Variants in RADIL observed in about 807,000 individuals in gnomAD.
The protein encoded by RADIL is Rap associating with DIL domain, also known as ras-associating and dilute domain-containing protein.
Under a neutral mutation model 97.6 loss-of-function variants are expected in RADIL, and 99 were observed. The ratio of observed to expected loss-of-function variants is 1.01; its 90% CI spans 0.86 to 1.20. RADIL has a LOEUF of 1.20. Among genes scored for constraint, RADIL ranks in the 50% most tolerant of loss-of-function variants. The pLI is 0.00. For missense variants in RADIL, 1,765 were observed against 1,498.9 expected (o/e 1.18, Z -2.93); for synonymous variants, 803 against 691.8 (o/e 1.16, Z -2.52).
At chr7:4,810,442 G>A (rs927391755) in intron 9 of RADIL, among the ~76,000 whole-genome samples, 9 of 152,274 alleles carry the variant, frequency 5.9e-5, no homozygotes, top group Admixed American at 2.0e-4. Flanking sequence ...GTGCCCAGCC[G>A]ACGGTTCAGG....
At position 4,834,710 on chromosome 7, in the gene RADIL, A is replaced by G; in HGVS notation, c.1313T>C (p.Phe438Ser). 1 of 1,408,058 alleles carries G rather than the reference A, an allele frequency of 7.1e-7. No homozygotes were observed. Among genetic ancestry groups the G allele is most frequent in the Non-Finnish European group, 9.3e-7 (1 of 1,074,390 alleles). 87.2% of individuals were successfully genotyped at this position (1,408,058 alleles called of 1,614,324 possible). ...GTGCTGGATGCAGAGGCACAGGAGGAAGGCGGGGGTCAGCTTGTGGTCGTC... is the reference window on the plus strand; with the variant it reads ...GTGCTGGATGCAGAGGCACAGGAGGGAGGCGGGGGTCAGCTTGTGGTCGTC... ...GGDDHKLTPA[F>S]LLCLCIQHSA... Residue 438 changes from phenylalanine (F) to serine (S), a missense_variant, in exon 4 of 15, where the codon TTC (phenylalanine) becomes TCC (serine). Transcript: ENST00000399583. This position sits in a 1 kb window ranked among gnomAD's most constrained non-coding sequence, Gnocchi z 6.0.
intron 2 of RADIL, among the ~76,000 whole-genome samples, chr7:4,843,003 ATTTTTTTTTTT>A (rs376252570): frequency 7.9e-6 from 1 of 127,342 alleles, no homozygotes; most frequent in Non-Finnish European, 1.6e-5. Flanking sequence ...GCAAGAGACA[ATTTTTTTTTTT>A]TTTTTTTTTT....
In RADIL at chr7:4,867,749, A is replaced by T. The variant is rs990652106; in HGVS notation, c.535+9856T>A. Among the ~76,000 whole-genome samples the T allele has an allele frequency of 1.3e-5, 2 of 152,262 alleles. No individual in the cohort carries two copies. Among genetic ancestry groups the T allele is most frequent in the African/African-American group, 4.8e-5 (2 of 41,472 alleles). The stretch of plus-strand genomic sequence containing the variant: ...ACAAAATATTATTTATGTATTAAGG[A>T]TACATATGAATCCAAATATATGAAA... On this transcript the variant is annotated intron_variant, in intron 2 of 14. Transcript: ENST00000399583. The surrounding 1 kb of genome is among the most constrained non-coding windows in gnomAD (Gnocchi z 4.1).
At chr7:4,831,702 A>C (rs1188267389) in intron 5 of RADIL, among the ~76,000 whole-genome samples, 3 of 149,742 alleles carry the variant, frequency 2.0e-5, no homozygotes, top group African/African-American at 7.5e-5. Flanking sequence ...CAATATCGTG[A>C]AACCCCATCT....
At chr7:4,868,188 G>A (rs1030821430) in intron 2 of RADIL, among the ~76,000 whole-genome samples, 14 of 151,836 alleles carry the variant, frequency 9.2e-5, no homozygotes, top group South Asian at 6.2e-4. Context: ...TCAGCCTCCC[G>A]AGTAGCTGGG....
chr7:4,804,188 G>C (rs1782215360), intron 10 of RADIL: 1 of 269,036 alleles, frequency 3.7e-6, no homozygotes, highest in East Asian at 7.9e-5. Context: ...CCTGTGTGCG[G>C]GCTGCTCTCT....
intron 2 of RADIL, among the ~76,000 whole-genome samples, chr7:4,868,048 A>AT (rs1374654926): frequency 3.3e-5 from 5 of 152,034 alleles, no homozygotes; most frequent in African/African-American, 9.7e-5. Context: ...TTGGTTTCTT[A>AT]TTATGGGGAA....
At position 4,835,346 on chromosome 7, in the gene RADIL, G is replaced by T. The variant is rs373090571; in HGVS notation, c.784-107C>A. 2 of 1,409,232 alleles carry T rather than the reference G, an allele frequency of 1.4e-6. No homozygotes were observed. The highest frequency in any genetic ancestry group is 1.9e-6 in the Non-Finnish European group (2 of 1,045,796). The allele number at this position is 1,409,232 out of a possible 1,614,324, so 87.3% of individuals were successfully genotyped here. ...GAAGCAGCGTGGCTGGGATGCTGTCGCCACGGGCTCTCCATGTCCCTGGCC... is the reference window on the plus strand; with the variant it reads ...GAAGCAGCGTGGCTGGGATGCTGTCTCCACGGGCTCTCCATGTCCCTGGCC... On this transcript the variant is annotated intron_variant, in intron 3 of 14. Transcript: ENST00000399583. This position sits in a 1 kb window ranked among gnomAD's most constrained non-coding sequence, Gnocchi z 5.8.
At chr7:4,812,885 C>A (rs1782582937) in intron 9 of RADIL, among the ~76,000 whole-genome samples, 2 of 152,136 alleles carry the variant, frequency 1.3e-5, no homozygotes, top group Admixed American at 1.3e-4. Flanking sequence ...CATTCTTGGC[C>A]TTCCTTGTTT....
chr7:4,811,133 T>G (rs1008618885), intron 9 of RADIL: 3 of 151,740 alleles, frequency 2.0e-5, no homozygotes, highest in African/African-American at 7.3e-5. Context: ...AGAGTGAGAC[T>G]CCGTCTCAAA....
chr7:4,823,813 G>A (rs1340437730), intron 5 of RADIL, among the ~76,000 whole-genome samples: 5 of 152,178 alleles, frequency 3.3e-5, no homozygotes, highest in Non-Finnish European at 7.3e-5. Context: ...CTGAGGGGTG[G>A]ACGTGGCAAG....
intron 2 of RADIL, among the ~76,000 whole-genome samples, chr7:4,869,825 C>T (rs1356343515): frequency 6.6e-6 from 1 of 152,144 alleles, no homozygotes; most frequent in Non-Finnish European, 1.5e-5. Context: ...GAGAATCTGA[C>T]TCTTTCGCAA....
chr7:4,881,726 CA>C (rs540740997), intron 1 of RADIL, among the ~76,000 whole-genome samples: 12,032 of 78,978 alleles, frequency 0.15, 733 homozygotes, highest in African/African-American at 0.29. Context: ...GACTCCGTCT[CA>C]AAAAAAAAAA....
chr7:4,860,396 G>C (rs1783954462), intron 2 of RADIL: 8 of 1,613,902 alleles, frequency 5.0e-6, no homozygotes, highest in Non-Finnish European at 6.8e-6. Context: ...ACTATTCACT[G>C]CTTGCCTATA....
At chr7:4,800,892 A>T (rs1284774675) in intron 12 of RADIL, among the ~76,000 whole-genome samples, 1 of 152,030 alleles carries the variant, frequency 6.6e-6, no homozygotes, top group Non-Finnish European at 1.5e-5. Flanking sequence ...GGACACTCTG[A>T]CTCTGCACAC....
chr7:4,850,216 T>TAA (rs34276261), intron 2 of RADIL, among the ~76,000 whole-genome samples: 1,931 of 88,000 alleles, frequency 0.022, 30 homozygotes, highest in South Asian at 0.028. Flanking sequence ...ACGATCCCTT[T>TAA]AAAAAAAAAA....
In RADIL at chr7:4,877,982, GC is replaced by G; in HGVS notation, c.157del (p.Ala53ProfsTer13). On this transcript the variant is annotated frameshift_variant, in exon 2 of 15. Transcript: ENST00000399583. LOFTEE classifies it high-confidence loss of function. The stretch of plus-strand genomic sequence containing the variant: ...GGCCGACAGCTGGGTGGAGAGCTCG[GC>G]GGGGTCATCGCTGGCGCCCAGGCTG... ...FSSLGASDDP[A>X]ELSTQLSAPG... 1 of 1,612,050 alleles carries G rather than the reference GC, an allele frequency of 6.2e-7. No individual in the cohort carries two copies. Among genetic ancestry groups the G allele is most frequent in the Non-Finnish European group, 8.5e-7 (1 of 1,179,894 alleles).
rs991244844 is a variant in RADIL, at chr7:4,798,021, A to C, written c.*1357T>G. 2.8e-4 allele frequency: 42 copies of C among 148,526 alleles called. No individual in the cohort carries two copies. The highest frequency in any genetic ancestry group is 1.0e-3 in the African/African-American group (41 of 40,916). 9.2% of individuals were successfully genotyped at this position (148,526 alleles called of 1,614,324 possible). A position where few individuals can be genotyped will look rare whatever the true frequency, so the allele number is the denominator to read the frequency against. ...TATTTTATATAATAAAATATAAAAA[A>C]TGTTTATAAAATATACGAATATATT... On this transcript the variant is annotated 3_prime_UTR_variant, in exon 15 of 15. Coordinates refer to ENST00000399583, the MANE Select transcript of RADIL (RefSeq NM_018059.5).
In RADIL at chr7:4,813,682, G is replaced by A. The variant is rs568930152; in HGVS notation, c.2139+1596C>T. On this transcript the variant is annotated intron_variant, in intron 9 of 14. Coordinates refer to ENST00000399583, the MANE Select transcript of RADIL (RefSeq NM_018059.5). This position sits in a 1 kb window ranked among gnomAD's most constrained non-coding sequence, Gnocchi z 5.0. ...GAACTTCAGTCAGCTCTTTGTGGAG[G>A]CTCACTCTCTCCTCATCCTTCAGGA... Among the ~76,000 whole-genome samples, 1 of 152,350 alleles carries A rather than the reference G, an allele frequency of 6.6e-6. No individual in the cohort carries two copies. The highest frequency in any genetic ancestry group is 1.9e-4 in the East Asian group (1 of 5,190).
Sources: allele counts gnomAD v4.1 joint callset (sites outside exome capture counted in the v4.1 genomes callset), GRCh38; gene constraint gnomAD v4.1.1; non-coding constraint Gnocchi (gnomAD v3.1); transcripts MANE v1.5; gene names NCBI Gene and HGNC (gene_info 2026-07-23, HGNC 2026-07-21).